Variants in EPHB1 observed in about 807,000 individuals in gnomAD.
EPHB1 encodes the protein EPH receptor B1, also known as ephrin type-B receptor 1.
Under a neutral mutation model 94.4 loss-of-function variants are expected in EPHB1, and 30 were observed. The observed-to-expected ratio is 0.32, with a 90% CI of 0.24 to 0.43. The LOEUF (loss-of-function observed/expected upper bound fraction) is 0.43. Among genes scored for constraint, EPHB1 ranks in the 20% least tolerant of loss-of-function variants. The probability of loss-of-function intolerance (pLI) is 1.00; values close to 1 mark genes in which losing one functional copy is unlikely to be tolerated. For synonymous variants in EPHB1, 522 were observed against 489.1 expected, an observed-to-expected ratio of 1.07 and a Z score of -0.89; for missense variants, 1,055 against 1,308.3, an observed-to-expected ratio of 0.81 and a Z score of 2.99.
chr3:134,951,763 T>C lies in EPHB1; in HGVS notation c.516T>C (p.Gly172=), dbSNP rs1336649546. The C allele has an allele frequency of 6.2e-7, 1 of 1,613,796 alleles. No individual in the cohort carries two copies. Among genetic ancestry groups the C allele is most frequent in the African/African-American group, 1.3e-5 (1 of 74,878 alleles). The change falls in exon 3 of 16, where the codon GGT becomes GGC. Residue 172 remains glycine, a synonymous_variant. Transcript: ENST00000398015. This position sits in a 1 kb window ranked among gnomAD's most constrained non-coding sequence, Gnocchi z 4.5. ...VRSFGPLTRN[G]FYLAFQDYGA... ...GCTTTGGGCCTCTTACTCGGAATGG[T>C]TTTTACCTCGCTTTTCAGGATTATG... is the stretch of plus-strand genomic sequence containing the variant.
intron 15 of EPHB1, among the ~76,000 whole-genome samples, chr3:135,256,189 CT>C (rs1933376545): frequency 6.6e-6 from 1 of 152,126 alleles, no homozygotes; most frequent in Non-Finnish European, 1.5e-5. Flanking sequence ...CAGTCTGTGT[CT>C]TTTAATTGGA....
At chr3:135,089,094 T>G (rs1334671945) in intron 3 of EPHB1, among the ~76,000 whole-genome samples, 2 of 152,230 alleles carry the variant, frequency 1.3e-5, no homozygotes, top group Non-Finnish European at 2.9e-5. Context: ...TGGTACTCCT[T>G]TCTCCAGGAA....
At chr3:135,251,723 G>A (rs997751706) in intron 15 of EPHB1, among the ~76,000 whole-genome samples, 28 of 152,238 alleles carry the variant, frequency 1.8e-4, no homozygotes, top group African/African-American at 6.8e-4. Flanking sequence ...TCCCTTGGGA[G>A]ACTGACTACC....
At chr3:134,896,817 G>A (rs2038094964) in intron 1 of EPHB1, among the ~76,000 whole-genome samples, 2 of 152,246 alleles carry the variant, frequency 1.3e-5, no homozygotes, top group South Asian at 2.1e-4. Context: ...TGCGGCTATT[G>A]TCGTCAGGCC....
chr3:135,163,170 A>G (rs1219439352), intron 7 of EPHB1, among the ~76,000 whole-genome samples: 3 of 152,218 alleles, frequency 2.0e-5, no homozygotes. Flanking sequence ...ATCTTGATGC[A>G]CATTGTATTT....
At chr3:135,065,749 C>T (rs1198612867) in intron 3 of EPHB1, among the ~76,000 whole-genome samples, 2 of 151,898 alleles carry the variant, frequency 1.3e-5, no homozygotes, top group African/African-American at 4.8e-5. Context: ...GCCTGTGTAC[C>T]TTGTTGTTTT....
chr3:135,076,896 C>G (rs1453158545), intron 3 of EPHB1, among the ~76,000 whole-genome samples: 1 of 152,020 alleles, frequency 6.6e-6, no homozygotes, highest in Non-Finnish European at 1.5e-5. Context: ...TCCACAGAAA[C>G]AGAAAGTAGA....
intron 4 of EPHB1, among the ~76,000 whole-genome samples, chr3:135,110,682 G>A (rs900446407): frequency 1.3e-5 from 2 of 152,196 alleles, no homozygotes; most frequent in African/African-American, 2.4e-5. Context: ...GCAAACCATC[G>A]TGGCGATGAT....
At chr3:135,142,215 G>A (rs1429110427) in intron 5 of EPHB1, among the ~76,000 whole-genome samples, 1 of 152,206 alleles carries the variant, frequency 6.6e-6, no homozygotes, top group East Asian at 1.9e-4. Flanking sequence ...AAAAGGCTTG[G>A]CAGTGCTATT....
At chr3:135,126,856 G>C (rs1056567283) in intron 4 of EPHB1, among the ~76,000 whole-genome samples, 2 of 152,144 alleles carry the variant, frequency 1.3e-5, no homozygotes, top group Non-Finnish European at 2.9e-5. Context: ...TGACCTCACG[G>C]CTTTCACAGT....
At chr3:134,923,266 A>G (rs1210485255) in intron 1 of EPHB1, among the ~76,000 whole-genome samples, 2 of 152,180 alleles carry the variant, frequency 1.3e-5, no homozygotes, top group Non-Finnish European at 2.9e-5. Context: ...GTTCATTCCC[A>G]GTTTGAGCCC....
chr3:135,001,194 G>A (rs1310905057), intron 3 of EPHB1, among the ~76,000 whole-genome samples: 1 of 152,124 alleles, frequency 6.6e-6, no homozygotes, highest in African/African-American at 2.4e-5. Flanking sequence ...GAACAGCCAG[G>A]CGGGGGAGCC....
intron 2 of EPHB1, among the ~76,000 whole-genome samples, chr3:134,933,320 G>A (rs1006654794): frequency 2.0e-5 from 3 of 152,010 alleles, no homozygotes; most frequent in African/African-American, 7.3e-5. Context: ...TCTCCTCCTG[G>A]GTCCCCCAGT....
chr3:134,928,638 G>A (rs976105024), intron 2 of EPHB1, among the ~76,000 whole-genome samples: 1 of 152,166 alleles, frequency 6.6e-6, no homozygotes, highest in Non-Finnish European at 1.5e-5. Context: ...CGTCTCTGAG[G>A]CACCCACGGG....
At chr3:134,919,595 G>T (rs935951365) in intron 1 of EPHB1, among the ~76,000 whole-genome samples, 1 of 152,152 alleles carries the variant, frequency 6.6e-6, no homozygotes, top group Non-Finnish European at 1.5e-5. Context: ...AGGGCTGAGG[G>T]TCAAGGGCAG....
At chr3:134,907,616 C>T (rs1024965504) in intron 1 of EPHB1, among the ~76,000 whole-genome samples, 4 of 152,076 alleles carry the variant, frequency 2.6e-5, no homozygotes, top group African/African-American at 9.7e-5. Flanking sequence ...AGATTAACTG[C>T]CTCCCGTGAA....
In EPHB1 at chr3:134,951,844, T is replaced by C. The variant is rs759882106; in HGVS notation, c.597T>C (p.Ile199=). ...VRVFFKKCPS[I]VQNFAVFPET... is the part of the protein sequence containing the mutation. ...TCTTCTTCAAAAAGTGTCCCAGCAT[T>C]GTGCAAAATTTTGCAGTGTTTCCAG... Residue 199 remains isoleucine (I), a synonymous_variant, in exon 3 of 16, where the codon ATT becomes ATC. Coordinates refer to ENST00000398015, the MANE Select transcript of EPHB1 (RefSeq NM_004441.5). The surrounding 1 kb of genome is among the most constrained non-coding windows in gnomAD (Gnocchi z 4.5). The C allele has an allele frequency of 1.9e-6, 3 of 1,614,024 alleles. No individual in the cohort carries two copies. The highest frequency in any genetic ancestry group is 1.7e-6 in the Non-Finnish European group (2 of 1,179,886).
intron 1 of EPHB1, among the ~76,000 whole-genome samples, chr3:134,922,724 C>G (rs1325742734): frequency 6.6e-6 from 1 of 152,134 alleles, no homozygotes; most frequent in East Asian, 1.9e-4. Flanking sequence ...GGCTTCTTGG[C>G]TTTATGAGTG....
intron 1 of EPHB1, among the ~76,000 whole-genome samples, chr3:134,825,313 A>G (rs1384869221): frequency 2.0e-5 from 3 of 152,368 alleles, no homozygotes; most frequent in African/African-American, 7.2e-5. Flanking sequence ...ATAAATGTCA[A>G]TCAGGCCAGG....
Sources: gnomAD v4.1 joint callset for allele counts (sites outside exome capture counted in the v4.1 genomes callset) on GRCh38, gnomAD v4.1.1 for gene constraint, Gnocchi (gnomAD v3.1) non-coding constraint, MANE v1.5 for transcripts, NCBI Gene and HGNC (gene_info 2026-07-23, HGNC 2026-07-21) for gene names.